PRELID2: variants seen among roughly 807,000 people sequenced by gnomAD.
PRELID2 encodes the protein PRELI domain containing 2.
PRELID2 carries 25 observed loss-of-function variants against 28.4 expected under a neutral mutation model. The ratio of observed to expected loss-of-function variants is 0.88; its 90% CI spans 0.64 to 1.23. PRELID2 has a LOEUF of 1.23. Ranked by LOEUF, PRELID2 falls within the 50% of genes most tolerant of loss-of-function variation. PRELID2 has a pLI of 0.00. For synonymous variants in PRELID2, 76 were observed against 71.6 expected (o/e 1.06, Z -0.31); for missense variants, 201 against 214.4 (o/e 0.94, Z 0.39).
At position 145,635,809 on chromosome 5, in the gene PRELID2, T is replaced by C. The variant is rs546292542; in HGVS notation, n.70+129122A>G. On this transcript the variant is annotated intron_variant and non_coding_transcript_variant, in intron 1 of 2. Coordinates refer to the PRELID2 transcript ENST00000510259. ...TGTCTGGCTGGCCACAGGCTGTTAA[T>C]GATCTTTTACCAAGAGCTTTACTCC... is the stretch of plus-strand genomic sequence containing the variant. Among the ~76,000 whole-genome samples, 21 of 152,356 alleles carry C rather than the reference T, an allele frequency of 1.4e-4. 1 individual carries two copies. The South Asian group carries it at 4.3e-3, about 32-fold the overall frequency.
At position 145,760,188 on chromosome 5, in the gene PRELID2, GC is replaced by G. The variant is rs1439278825; in HGVS notation, c.*347del. 6.6e-6 allele frequency: 1 copy of G among 152,142 alleles called. No homozygotes were observed. The highest frequency in any genetic ancestry group is 2.4e-5 in the African/African-American group (1 of 41,424). 9.4% of individuals were successfully genotyped at this position (152,142 alleles called of 1,614,324 possible). The stretch of plus-strand genomic sequence containing the variant: ...CCAGGCCTTTATCCTGTCCTTAGCT[GC>G]CCTGACACCATCATCAGACAACCAG... On this transcript the variant is annotated 3_prime_UTR_variant, in exon 7 of 7. Coordinates refer to ENST00000683046, the MANE Select transcript of PRELID2 (RefSeq NM_205846.3).
At chr5:145,487,836 G>C (rs1223172384) in intron 1 of PRELID2, among the ~76,000 whole-genome samples, 4 of 151,720 alleles carry the variant, frequency 2.6e-5, no homozygotes, top group Non-Finnish European at 5.9e-5. Flanking sequence ...TCAAGAAATG[G>C]AATTGGAGGC....
At chr5:145,287,515 A>G in the PRELID2 span, among the ~76,000 whole-genome samples, 6 of 152,274 alleles carry the variant, frequency 3.9e-5, no homozygotes, top group South Asian at 2.1e-4. Context: ...AAACTTATAA[A>G]TTGCTTATTT....
chr5:145,357,695 G>A, the PRELID2 span, among the ~76,000 whole-genome samples: 1 of 152,056 alleles, frequency 6.6e-6, no homozygotes. Flanking sequence ...ACTTTCTCCT[G>A]AATGTCGATG....
chr5:145,729,035 G>A (rs1756257776), intron 1 of PRELID2: 2 of 661,864 alleles, frequency 3.0e-6, no homozygotes, highest in African/African-American at 1.8e-5. Flanking sequence ...GAGATAATGT[G>A]AAATACTACA....
intron 1 of PRELID2, among the ~76,000 whole-genome samples, chr5:145,713,363 T>TATATATATATATATATATATATATAC (rs1316880740): frequency 2.2e-5 from 3 of 138,390 alleles, no homozygotes; most frequent in Non-Finnish European, 4.6e-5. Context: ...TATATATATA[T>TATATATATATATATATATATATATAC]ATATATACTT....
chr5:145,808,346 A>G (rs141299448), intron 4 of PRELID2, among the ~76,000 whole-genome samples: 73 of 152,208 alleles, frequency 4.8e-4, no homozygotes, highest in Non-Finnish European at 8.5e-4. Context: ...GAATTTACTC[A>G]TGGAAAAAAA....
At chr5:145,551,376 G>A (rs1752832232) in intron 1 of PRELID2, among the ~76,000 whole-genome samples, 2 of 151,412 alleles carry the variant, frequency 1.3e-5, no homozygotes, top group African/African-American at 4.9e-5. Flanking sequence ...ACTCCAGCCT[G>A]GGTGACAAAG....
intron 1 of PRELID2, among the ~76,000 whole-genome samples, chr5:145,569,908 G>T (rs10041098): frequency 0.015 from 2,237 of 152,252 alleles, 58 homozygotes; most frequent in African/African-American, 0.051. Context: ...CTATAACAGA[G>T]TATAGCAAAC....
intron 1 of PRELID2, among the ~76,000 whole-genome samples, chr5:145,557,362 A>G (rs1322099415): frequency 1.3e-5 from 2 of 152,250 alleles, no homozygotes; most frequent in African/African-American, 4.8e-5. Flanking sequence ...GGACTTTGTT[A>G]GGTTATGGAC....
At chr5:145,589,629 T>C (rs1286943496) in intron 1 of PRELID2, among the ~76,000 whole-genome samples, 1 of 152,194 alleles carries the variant, frequency 6.6e-6, no homozygotes, top group African/African-American at 2.4e-5. Flanking sequence ...TTTTGTTATT[T>C]CATTAATTGT....
At chr5:145,295,407 T>C in the PRELID2 span, among the ~76,000 whole-genome samples, 3 of 152,150 alleles carry the variant, frequency 2.0e-5, no homozygotes, top group South Asian at 2.1e-4. Context: ...TTCCCAAACA[T>C]AGTTAATTGT....
At chr5:145,545,497 A>G (rs1309902708) in intron 1 of PRELID2, among the ~76,000 whole-genome samples, 3 of 152,030 alleles carry the variant, frequency 2.0e-5, no homozygotes, top group Non-Finnish European at 4.4e-5. Context: ...TACTTCAAAG[A>G]AATTTTATCT....
intron 1 of PRELID2, among the ~76,000 whole-genome samples, chr5:145,670,375 T>C (rs774952451): frequency 1.3e-5 from 2 of 151,954 alleles, no homozygotes; most frequent in African/African-American, 2.4e-5. Flanking sequence ...GAGGGATCCA[T>C]CCCCACGACA....
At chr5:145,816,023 G>T (rs1305688977) in intron 4 of PRELID2, among the ~76,000 whole-genome samples, 1 of 145,214 alleles carries the variant, frequency 6.9e-6, no homozygotes, top group Non-Finnish European at 1.5e-5. Context: ...TAAGAAACAT[G>T]TAAGGGTTCT....
intron 1 of PRELID2, among the ~76,000 whole-genome samples, chr5:145,585,098 T>C (rs1013384597): frequency 6.6e-6 from 1 of 152,272 alleles, no homozygotes; most frequent in Middle Eastern, 3.4e-3. Flanking sequence ...TGGGATACTA[T>C]GCAGCCATAA....
intron 4 of PRELID2, among the ~76,000 whole-genome samples, chr5:145,811,082 C>CAAAAA (rs56978118): frequency 3.7e-5 from 1 of 26,730 alleles, no homozygotes; most frequent in Non-Finnish European, 6.8e-5. Context: ...TGGCAGCAGG[C>CAAAAA]AAAAAAAAAA....
the PRELID2 span, among the ~76,000 whole-genome samples, chr5:145,463,775 A>G: frequency 6.6e-6 from 1 of 152,180 alleles, no homozygotes; most frequent in Non-Finnish European, 1.5e-5. Flanking sequence ...CCAAAGATAA[A>G]CCAAAAGAAA....
intron 1 of PRELID2, among the ~76,000 whole-genome samples, chr5:145,554,619 A>G (rs1182226981): frequency 6.6e-6 from 1 of 152,226 alleles, no homozygotes; most frequent in Non-Finnish European, 1.5e-5. Context: ...GTCAGACCAT[A>G]TTATAACCAC....
Sources: allele counts gnomAD v4.1 joint callset (sites outside exome capture counted in the v4.1 genomes callset), GRCh38; gene constraint gnomAD v4.1.1; transcripts MANE v1.5; gene names NCBI Gene and HGNC (gene_info 2026-07-23, HGNC 2026-07-21).